The following RIC1 variants were observed in gnomAD, a reference collection of about 807,000 sequenced individuals.
RIC1 encodes the protein guanine nucleotide exchange factor subunit RIC1.
RIC1 carries 88 observed loss-of-function variants against 169.0 expected under a neutral mutation model. That is an observed-to-expected ratio of 0.52 (90% confidence interval 0.44 to 0.62). The LOEUF (loss-of-function observed/expected upper bound fraction) is 0.62. RIC1 is among the 20% of genes least tolerant of loss of function. The pLI, the probability that RIC1 is intolerant of heterozygous loss-of-function variation, is 0.00. For synonymous variants in RIC1, 790 were observed against 601.5 expected, an observed-to-expected ratio of 1.31 and a Z score of -4.59; for missense variants, 1,877 against 1,725.5, an observed-to-expected ratio of 1.09 and a Z score of -1.56.
At chr9:5,703,806 T>G (rs1822390072) in intron 3 of RIC1, among the ~76,000 whole-genome samples, 1 of 152,272 alleles carries the variant, frequency 6.6e-6, no homozygotes, top group Non-Finnish European at 1.5e-5. Flanking sequence ...TTTCACTTTT[T>G]GGCTATTGGA....
chr9:5,726,344 A>T (rs1057293914), intron 6 of RIC1, among the ~76,000 whole-genome samples: 3 of 152,010 alleles, frequency 2.0e-5, no homozygotes, highest in Non-Finnish European at 4.4e-5. Context: ...TGTTGGTTTA[A>T]AGTCTGTTTT....
At chr9:5,672,060 C>G (rs1476775384) in intron 2 of RIC1, among the ~76,000 whole-genome samples, 2 of 152,182 alleles carry the variant, frequency 1.3e-5, no homozygotes, top group East Asian at 1.9e-4. Flanking sequence ...ACCTCATGGT[C>G]TGAGGAAGCC....
At chr9:5,739,052 T>G (rs907001293) in intron 8 of RIC1, among the ~76,000 whole-genome samples, 1 of 152,172 alleles carries the variant, frequency 6.6e-6, no homozygotes, top group African/African-American at 2.4e-5. Flanking sequence ...AGTGCAATTA[T>G]AGGGTTCTTC....
chr9:5,645,962 T>TC (rs1818488458), intron 1 of RIC1, among the ~76,000 whole-genome samples: 1 of 151,666 alleles, frequency 6.6e-6, no homozygotes, highest in South Asian at 2.1e-4. Flanking sequence ...TTTTTTTTTT[T>TC]TGAGAAATTT....
At chr9:5,724,286 G>A (rs1329495130) in intron 6 of RIC1, among the ~76,000 whole-genome samples, 5 of 152,288 alleles carry the variant, frequency 3.3e-5, no homozygotes, top group African/African-American at 7.2e-5. Flanking sequence ...TCCCTTGTAA[G>A]TTGGATTCCT....
chr9:5,770,339 C>A, intron 23 of RIC1, 61 bp downstream of exon 23: 1 of 1,351,436 alleles, frequency 7.4e-7, no homozygotes, highest in Non-Finnish European at 1.0e-6. Context: ...TGTGCTATAG[C>A]ACTTCAGAGA....
chr9:5,727,407 G>C (rs1391927114), intron 6 of RIC1, among the ~76,000 whole-genome samples: 1 of 152,162 alleles, frequency 6.6e-6, no homozygotes, highest in African/African-American at 2.4e-5. Context: ...TTAGGTCCTT[G>C]CTACGCTGTT....
intron 8 of RIC1, among the ~76,000 whole-genome samples, chr9:5,740,503 AATGATCAC>A (rs971579807): frequency 2.6e-5 from 4 of 151,796 alleles, no homozygotes; most frequent in African/African-American, 9.7e-5. Context: ...AGTATTAATA[AATGATCAC>A]ATGATCACAA....
intron 15 of RIC1, among the ~76,000 whole-genome samples, chr9:5,755,784 A>G (rs1467992742): frequency 6.6e-6 from 1 of 152,050 alleles, no homozygotes; most frequent in Non-Finnish European, 1.5e-5. Flanking sequence ...TTATCCAGGT[A>G]TGGTGGCACA....
chr9:5,674,640 T>C (rs1372409276), intron 2 of RIC1, among the ~76,000 whole-genome samples: 2 of 152,234 alleles, frequency 1.3e-5, no homozygotes, highest in South Asian at 2.1e-4. Flanking sequence ...TAGCTACTTA[T>C]GTTCACCATA....
intron 3 of RIC1, among the ~76,000 whole-genome samples, chr9:5,697,442 C>T (rs571372166): frequency 1.3e-5 from 2 of 152,224 alleles, no homozygotes; most frequent in South Asian, 4.2e-4. Context: ...AGTTTGGTAC[C>T]AGGTACTCTA....
chr9:5,676,235 A>G (rs1033669162), intron 2 of RIC1, among the ~76,000 whole-genome samples: 2 of 152,192 alleles, frequency 1.3e-5, no homozygotes, highest in African/African-American at 4.8e-5. Flanking sequence ...CAAACTTTCT[A>G]GGTAACCAAA....
In RIC1 at chr9:5,629,382, G is replaced by C; in HGVS notation, c.73G>C (p.Val25Leu). The change falls in exon 1 of 26, where the codon GTT becomes CTT. Residue 25 changes from valine (V) to leucine (L), a missense_variant. Transcript: ENST00000414202. Reference sequence around the variant, plus strand: ...GAGCCCGGCCGAGGCGCCTTTCCACGTTCAGTCCGACCCGCAGAGGGCTTT... The same window carrying C: ...GAGCCCGGCCGAGGCGCCTTTCCACCTTCAGTCCGACCCGCAGAGGGCTTT... ...LGSPAEAPFHVQSDPQRAFFA... is the reference protein window; with the variant it reads ...LGSPAEAPFHLQSDPQRAFFA... The C allele has an allele frequency of 6.5e-7, 1 of 1,533,230 alleles. No homozygotes were observed. Among genetic ancestry groups the C allele is most frequent in the South Asian group, 1.2e-5 (1 of 83,654 alleles). 95.0% of individuals were successfully genotyped at this position (1,533,230 alleles called of 1,614,324 possible). A position where few individuals can be genotyped will look rare whatever the true frequency, so the allele number is the denominator to read the frequency against.
rs920556660 is a variant in RIC1 at position 5,662,379 on chromosome 9, T to A, written c.252+5689T>A. ...TAAGGAGGAATCCCTAATTTTCAAT[T>A]GTTTTGGAATAGTTTCAGTAGAAAT... On this transcript the variant is annotated intron_variant, in intron 2 of 25. Coordinates refer to ENST00000414202, the MANE Select transcript of RIC1 (RefSeq NM_020829.4). 5.3e-5 allele frequency among the ~76,000 whole-genome samples: 8 copies of A among 152,262 alleles called. No individual in the cohort carries two copies. In the East Asian group the frequency reaches 5.8e-4, roughly 11 times the overall value.
intron 14 of RIC1, among the ~76,000 whole-genome samples, 178 bp from the exon 15 acceptor site, chr9:5,754,663 G>A (rs1252588127): frequency 4.6e-5 from 7 of 152,138 alleles, no homozygotes; most frequent in Admixed American, 2.0e-4. Flanking sequence ...CCCAGGAGGC[G>A]GAGGTTGCAG....
chr9:5,709,967 G>A (rs886698593), intron 3 of RIC1, among the ~76,000 whole-genome samples: 1 of 152,176 alleles, frequency 6.6e-6, no homozygotes, highest in Non-Finnish European at 1.5e-5. Flanking sequence ...GATAGGTAAT[G>A]TGGTTTCAAT....
chr9:5,753,196 A>G lies in RIC1; in HGVS notation c.1453-4A>G, dbSNP rs763664646. On this transcript the variant is annotated splice_region_variant and splice_polypyrimidine_tract_variant and intron_variant, in intron 12 of 25. Coordinates refer to ENST00000414202, the MANE Select transcript of RIC1 (RefSeq NM_020829.4). ...TTACCAATCTGATGTGTTATTTTCT[A>G]TAGATTTCCAGCACCTATCTAGAGA... 3.7e-6 allele frequency: 6 copies of G among 1,610,742 alleles called. No individual in the cohort carries two copies. The highest frequency in any genetic ancestry group is 1.7e-4 in the Middle Eastern group (1 of 6,052).
At position 5,702,513 on chromosome 9, in the gene RIC1, G is replaced by GTTTTGT. The variant is rs58007858; in HGVS notation, c.333-11356_333-11351dup. Among the ~76,000 whole-genome samples the GTTTTGT allele has an allele frequency of 6.4e-4, 97 of 150,864 alleles. 1 individual carries two copies. Among genetic ancestry groups the GTTTTGT allele is most frequent in the Middle Eastern group, 3.4e-3 (1 of 292 alleles). The stretch of plus-strand genomic sequence containing the variant: ...CACTTACACACTTTTTTTTTGTTTT[G>GTTTTGT]TTTTGTTTTTGTTTTTGTTTTTGTT... On this transcript the variant is annotated intron_variant, in intron 3 of 25. Coordinates refer to ENST00000414202, the MANE Select transcript of RIC1 (RefSeq NM_020829.4).
rs944605270 is a variant in RIC1, at chr9:5,654,227, T to G, written c.145-2356T>G. On this transcript the variant is annotated intron_variant, in intron 1 of 25. Coordinates refer to ENST00000414202, the MANE Select transcript of RIC1 (RefSeq NM_020829.4). ...CCATGTTGCCCAGGCTGCAAGTGTG[T>G]ATTTTTTGTTTTTGTTTGTTTGGTT... Among the ~76,000 whole-genome samples the G allele has an allele frequency of 3.3e-5, 5 of 151,864 alleles. No homozygotes were observed. The South Asian group carries it at 6.2e-4, about 19-fold the overall frequency.
Sources: gnomAD v4.1 joint callset for allele counts (sites outside exome capture counted in the v4.1 genomes callset) on GRCh38, gnomAD v4.1.1 for gene constraint, MANE v1.5 for transcripts, NCBI Gene and HGNC (gene_info 2026-07-23, HGNC 2026-07-21) for gene names.